ESRRG: variants seen among roughly 807,000 people sequenced by gnomAD.
ESRRG encodes estrogen related receptor gamma.
In ESRRG, 13 loss-of-function variants were observed where a neutral mutation model predicts 44.0. That is an observed-to-expected ratio of 0.30 (90% confidence interval 0.19 to 0.47). The LOEUF is 0.47. Ranked by LOEUF, ESRRG falls within the 20% of genes least tolerant of loss-of-function variation. The probability of loss-of-function intolerance (pLI) is 1.00; values close to 1 mark genes in which losing one functional copy is unlikely to be tolerated. For synonymous variants in ESRRG, 215 were observed against 214.6 expected, an observed-to-expected ratio of 1.00 and a Z score of -0.02; for missense variants, 395 against 580.6, an observed-to-expected ratio of 0.68 and a Z score of 3.29.
At chr1:217,090,693 C>G (rs1297423623), upstream of ESRRG, 1 of 152,218 alleles carries the variant, frequency 6.6e-6, no homozygotes, top group Non-Finnish European at 1.5e-5. Context: ...AGTTGAGAAA[C>G]TCGACTGACA....
intron 3 of ESRRG, among the ~76,000 whole-genome samples, chr1:216,636,758 GA>G (rs2065381208): frequency 6.6e-6 from 1 of 152,196 alleles, no homozygotes; most frequent in South Asian, 2.1e-4. Flanking sequence ...CATTAAAATA[GA>G]AATAGCATTA....
chr1:216,904,546 G>T (rs889850774), intron 2 of ESRRG, among the ~76,000 whole-genome samples: 2 of 152,088 alleles, frequency 1.3e-5, no homozygotes, highest in African/African-American at 4.8e-5. Context: ...TCTCTTTACT[G>T]CTGGGAACTG....
intron 5 of ESRRG, among the ~76,000 whole-genome samples, chr1:216,560,482 A>G (rs2058507084): frequency 6.6e-6 from 1 of 152,210 alleles, no homozygotes; most frequent in Non-Finnish European, 1.5e-5. Flanking sequence ...TGTTTAAGCC[A>G]TTTATATAGG....
intron 2 of ESRRG, among the ~76,000 whole-genome samples, chr1:216,783,122 G>A (rs2093995316): frequency 6.6e-6 from 1 of 151,948 alleles, no homozygotes; most frequent in African/African-American, 2.4e-5. Flanking sequence ...CATGGGGCAG[G>A]GGGATGATCC....
intron 1 of ESRRG, among the ~76,000 whole-genome samples, chr1:217,011,646 T>G (rs2078638231): frequency 6.6e-6 from 1 of 152,240 alleles, no homozygotes; most frequent in Non-Finnish European, 1.5e-5. Flanking sequence ...ATTGGTTTTG[T>G]CTTGGAGAAG....
intron 1 of ESRRG, among the ~76,000 whole-genome samples, chr1:216,948,391 C>A (rs1197777135): frequency 6.7e-6 from 1 of 148,668 alleles, no homozygotes; most frequent in African/African-American, 2.5e-5. Context: ...GCAGGAGAAT[C>A]TCTTGAACCT....
At chr1:217,060,578 G>A (rs1204711905) in intron 1 of ESRRG, among the ~76,000 whole-genome samples, 1 of 152,028 alleles carries the variant, frequency 6.6e-6, no homozygotes, top group Non-Finnish European at 1.5e-5. Context: ...AGAGTGATGG[G>A]TTGGTGCCAC....
At chr1:216,511,193 A>G (rs190663415) in intron 6 of ESRRG, among the ~76,000 whole-genome samples, 69 of 152,278 alleles carry the variant, frequency 4.5e-4, no homozygotes, top group African/African-American at 1.6e-3. Flanking sequence ...GACTCTCTCC[A>G]ATCATTGAAT....
chr1:216,741,338 C>A (rs1023639229), intron 2 of ESRRG, among the ~76,000 whole-genome samples: 1 of 138,682 alleles, frequency 7.2e-6, no homozygotes, highest in South Asian at 2.2e-4. Flanking sequence ...ATAATTATTT[C>A]TTTATACCTG....
chr1:216,979,263 T>C (rs1471508999), intron 1 of ESRRG, among the ~76,000 whole-genome samples: 3 of 152,114 alleles, frequency 2.0e-5, no homozygotes, highest in Non-Finnish European at 4.4e-5. Context: ...TAATGTGTGA[T>C]TCAGGATTGG....
At chr1:216,929,517 G>A (rs1011215841) in intron 2 of ESRRG, among the ~76,000 whole-genome samples, 1 of 152,132 alleles carries the variant, frequency 6.6e-6, no homozygotes, top group African/African-American at 2.4e-5. Flanking sequence ...TTGAAGAAAT[G>A]TTTTTAAGCT....
intron 3 of ESRRG, among the ~76,000 whole-genome samples, chr1:216,648,044 G>C (rs1463376313): frequency 6.6e-6 from 1 of 152,136 alleles, no homozygotes; most frequent in African/African-American, 2.4e-5. Context: ...AAATTGAATT[G>C]AACAGGTTTA....
At chr1:216,535,767 C>G (rs2050753748) in intron 5 of ESRRG, among the ~76,000 whole-genome samples, 1 of 152,112 alleles carries the variant, frequency 6.6e-6, no homozygotes, top group South Asian at 2.1e-4. Context: ...TACTTCCATA[C>G]TGGCTTTTCC....
At chr1:216,697,396 T>A (rs1559283747) in intron 1 of ESRRG, among the ~76,000 whole-genome samples, 1 of 152,258 alleles carries the variant, frequency 6.6e-6, no homozygotes, top group African/African-American at 2.4e-5. Context: ...GTGATTTGTG[T>A]TTGTTTAAGC....
chr1:216,637,231 T>A (rs1451345669), intron 3 of ESRRG, among the ~76,000 whole-genome samples: 1 of 152,142 alleles, frequency 6.6e-6, no homozygotes, highest in Non-Finnish European at 1.5e-5. Flanking sequence ...CACTCAGAAA[T>A]ATACGTAGCT....
chr1:216,637,963 C>T (rs1033197072), intron 3 of ESRRG, among the ~76,000 whole-genome samples: 1 of 151,432 alleles, frequency 6.6e-6, no homozygotes, highest in Admixed American at 6.6e-5. Flanking sequence ...TTCCTGCACC[C>T]AAATTACAAA....
At chr1:216,824,233 GGT>G (rs2095351952) in intron 2 of ESRRG, among the ~76,000 whole-genome samples, 1 of 152,086 alleles carries the variant, frequency 6.6e-6, no homozygotes. Flanking sequence ...GATCATTTGA[GGT>G]CAGGAGTTTG....
chr1:216,818,172 A>T (rs1257713741), intron 2 of ESRRG, among the ~76,000 whole-genome samples: 1 of 152,216 alleles, frequency 6.6e-6, no homozygotes, highest in Non-Finnish European at 1.5e-5. Flanking sequence ...CTCCTGAAAC[A>T]GCTTTTTGGG....
At chr1:217,093,033 A>C (rs1279281053), upstream of ESRRG, among the ~76,000 whole-genome samples, 1 of 152,188 alleles carries the variant, frequency 6.6e-6, no homozygotes, top group Non-Finnish European at 1.5e-5. Context: ...TTGAAAAGCT[A>C]CTGTAAACTT....
Sources: gnomAD v4.1 joint callset for allele counts (sites outside exome capture counted in the v4.1 genomes callset) on GRCh38, gnomAD v4.1.1 for gene constraint, MANE v1.5 for transcripts, NCBI Gene and HGNC (gene_info 2026-07-23, HGNC 2026-07-21) for gene names.